DOCK2: variants seen among roughly 807,000 people sequenced by gnomAD.
DOCK2 encodes dedicator of cytokinesis protein 2.
In DOCK2, 87 loss-of-function variants were observed where a neutral mutation model predicts 248.9. The observed-to-expected ratio is 0.35, with a 90% CI of 0.29 to 0.42. DOCK2 has a LOEUF of 0.42. Among genes scored for constraint, DOCK2 ranks in the 10% least tolerant of loss-of-function variants. The pLI is 1.00. For missense variants in DOCK2, 1,747 were observed against 2,300.2 expected (o/e 0.76, Z 4.92); for synonymous variants, 805 against 821.6 (o/e 0.98, Z 0.35).
chr5:169,713,687 C>A (rs540734687), intron 17 of DOCK2, among the ~76,000 whole-genome samples: 1 of 152,252 alleles, frequency 6.6e-6, no homozygotes, highest in East Asian at 1.9e-4. Flanking sequence ...AGCTAGAGTC[C>A]TTATTTTGCT....
intron 27 of DOCK2, among the ~76,000 whole-genome samples, chr5:169,960,936 G>T (rs1054067437): frequency 4.6e-5 from 7 of 152,122 alleles, no homozygotes; most frequent in African/African-American, 1.7e-4. Context: ...TTCAGTATAG[G>T]CTATGAACTG....
chr5:169,684,994 C>G (rs1242126802), intron 8 of DOCK2, among the ~76,000 whole-genome samples: 1 of 152,206 alleles, frequency 6.6e-6, no homozygotes, highest in Non-Finnish European at 1.5e-5. Flanking sequence ...TGCTCCAAAT[C>G]CTCTGTAGCA....
intron 22 of DOCK2, 81 bp from the exon 23 acceptor site, chr5:169,747,315 A>T: frequency 7.7e-7 from 1 of 1,296,714 alleles, no homozygotes; most frequent in Non-Finnish European, 1.1e-6. Context: ...TTTAAATTTT[A>T]AATGAAGTTT....
At chr5:169,711,903 TTG>T in intron 15 of DOCK2, 30 bp from the exon 16 acceptor site, 1 of 1,612,754 alleles carries the variant, frequency 6.2e-7, no homozygotes, top group Non-Finnish European at 8.5e-7. Context: ...CTTTAACTCA[TTG>T]TGTTCTGAGC....
intron 27 of DOCK2, among the ~76,000 whole-genome samples, chr5:169,916,759 T>C (rs1774895884): frequency 6.6e-6 from 1 of 152,210 alleles, no homozygotes; most frequent in East Asian, 1.9e-4. Context: ...ATTTGGCATA[T>C]ATAAGTCATT....
At chr5:169,791,540 G>A (rs1216093417) in intron 25 of DOCK2, among the ~76,000 whole-genome samples, 1 of 152,168 alleles carries the variant, frequency 6.6e-6, no homozygotes, top group Non-Finnish European at 1.5e-5. Flanking sequence ...TTCTATTTAA[G>A]GCCAACTTAA....
intron 23 of DOCK2, among the ~76,000 whole-genome samples, chr5:169,752,088 G>A (rs948556119): frequency 2.0e-5 from 3 of 152,182 alleles, no homozygotes; most frequent in Non-Finnish European, 2.9e-5. Flanking sequence ...TGCCAGCCCT[G>A]TGAGCGTGGT....
At chr5:170,019,630 C>T (rs185797547) in intron 33 of DOCK2, among the ~76,000 whole-genome samples, 26 of 152,250 alleles carry the variant, frequency 1.7e-4, no homozygotes, top group Admixed American at 2.6e-4. Flanking sequence ...GCATGGAGGG[C>T]GCCAGAACCT....
chr5:169,898,308 A>G (rs1773726066), intron 27 of DOCK2, among the ~76,000 whole-genome samples: 1 of 152,162 alleles, frequency 6.6e-6, no homozygotes, highest in African/African-American at 2.4e-5. Context: ...GCTCAGCACC[A>G]TGTGATTGGT....
chr5:169,838,678 G>A (rs1480829951), intron 26 of DOCK2, among the ~76,000 whole-genome samples: 7 of 152,174 alleles, frequency 4.6e-5, no homozygotes, highest in Non-Finnish European at 1.0e-4. Flanking sequence ...CAAGTCTCCA[G>A]CAGAGACTGA....
chr5:169,766,588 C>T (rs1764809570), intron 25 of DOCK2, among the ~76,000 whole-genome samples: 2 of 152,072 alleles, frequency 1.3e-5, no homozygotes, highest in African/African-American at 4.8e-5. Flanking sequence ...ATTTATCCTC[C>T]TTTGCATACA....
chr5:169,979,282 G>A (rs975149673), intron 27 of DOCK2, among the ~76,000 whole-genome samples: 74 of 152,188 alleles, frequency 4.9e-4, no homozygotes, highest in Admixed American at 4.5e-3. Flanking sequence ...GGCAAATGCA[G>A]TCTGCTCAAC....
intron 27 of DOCK2, among the ~76,000 whole-genome samples, chr5:169,865,731 C>A (rs1771506432): frequency 6.6e-6 from 1 of 152,206 alleles, no homozygotes; most frequent in Non-Finnish European, 1.5e-5. Flanking sequence ...ACAGTGCATT[C>A]TCCTTGTTTA....
chr5:170,047,549 C>T lies in DOCK2; in HGVS notation c.4006C>T (p.Leu1336Phe). The T allele has an allele frequency of 6.2e-7, 1 of 1,613,624 alleles. No individual in the cohort carries two copies. Among genetic ancestry groups the T allele is most frequent in the Non-Finnish European group, 8.5e-7 (1 of 1,179,768 alleles). Residue 1336 changes from leucine (L) to phenylalanine (F), a missense_variant, in exon 40 of 52, where the codon CTC (leucine) becomes TTC (phenylalanine). Leu to Phe is a conservative substitution (Grantham distance 22). Around this residue, in one of 4 missense-constraint regions of DOCK2, gnomAD observed 858 missense variants for 1,183.5 expected, o/e 0.72. Transcript: ENST00000520908. ...AKFYESIMKI[L>F]RPKPDYFAVG... is the part of the protein sequence containing the mutation. ...ATTCTATGAAAGCATCATGAAAATC[C>T]TCAGGCCCAAACCAGACTACTTTGC...
chr5:169,962,406 G>A (rs557615099), intron 27 of DOCK2, among the ~76,000 whole-genome samples: 196 of 152,340 alleles, frequency 1.3e-3, no homozygotes, highest in Middle Eastern at 0.01. Context: ...GGAAAGTGGG[G>A]GAGGATGGAG....
At chr5:170,019,484 T>A (rs2113822045) in intron 33 of DOCK2, among the ~76,000 whole-genome samples, 1 of 152,224 alleles carries the variant, frequency 6.6e-6, no homozygotes. Context: ...ACTCTGCGGA[T>A]CTACATTATC....
At chr5:169,933,932 A>G (rs1413416401) in intron 27 of DOCK2, among the ~76,000 whole-genome samples, 2 of 152,166 alleles carry the variant, frequency 1.3e-5, no homozygotes, top group South Asian at 2.1e-4. Flanking sequence ...CATTAATGCT[A>G]CTGACTTAGG....
intron 38 of DOCK2, among the ~76,000 whole-genome samples, chr5:170,044,694 C>T (rs768673959): frequency 3.9e-5 from 6 of 152,140 alleles, no homozygotes; most frequent in South Asian, 2.1e-4. Flanking sequence ...CTGAGCTGTC[C>T]GTGGGTTTAC....
chr5:169,702,208 G>A (rs1761008859), intron 13 of DOCK2, 95 bp from the exon 14 acceptor site: 4 of 1,462,366 alleles, frequency 2.7e-6, no homozygotes, highest in East Asian at 4.8e-5. Context: ...ATCCAGGTGG[G>A]AGAGCTTCTT....
Sources: allele counts gnomAD v4.1 joint callset (sites outside exome capture counted in the v4.1 genomes callset), GRCh38; gene constraint gnomAD v4.1.1; regional missense constraint gnomAD v4.1.1; transcripts MANE v1.5; gene names NCBI Gene and HGNC (gene_info 2026-07-23, HGNC 2026-07-21).